Variants in MCTP1 observed in about 807,000 individuals in gnomAD.
The protein encoded by MCTP1 is multiple C2 and transmembrane domain containing 1, also known as multiple C2 and transmembrane domain-containing protein 1.
In MCTP1, 69 loss-of-function variants were observed where a neutral mutation model predicts 120.6. That is an observed-to-expected ratio of 0.57 (90% CI 0.47 to 0.70). The LOEUF (loss-of-function observed/expected upper bound fraction) is 0.70, where lower values mean the gene tolerates loss of function less well. Among genes scored for constraint, MCTP1 ranks in the 30% least tolerant of loss-of-function variants. The pLI is 0.00. For synonymous variants in MCTP1, 529 were observed against 493.1 expected, an observed-to-expected ratio of 1.07 and a Z score of -0.96; for missense variants, 1,203 against 1,248.8, an observed-to-expected ratio of 0.96 and a Z score of 0.55.
intron 1 of MCTP1, among the ~76,000 whole-genome samples, chr5:95,119,002 C>T (rs1562158053): frequency 6.6e-6 from 1 of 152,188 alleles, no homozygotes; most frequent in Non-Finnish European, 1.5e-5. Flanking sequence ...AACAAAGACA[C>T]ATTAAACTTA....
intron 1 of MCTP1, among the ~76,000 whole-genome samples, chr5:95,165,140 A>G (rs1379998575): frequency 2.0e-5 from 3 of 152,220 alleles, no homozygotes; most frequent in Non-Finnish European, 4.4e-5. Context: ...GACTTCCCAG[A>G]GACACCTCTA....
At chr5:94,941,139 A>G (rs1164910894) in intron 4 of MCTP1, among the ~76,000 whole-genome samples, 1 of 152,046 alleles carries the variant, frequency 6.6e-6, no homozygotes, top group Non-Finnish European at 1.5e-5. Context: ...GAAACAAGAT[A>G]AATTTATGCT....
intron 1 of MCTP1, among the ~76,000 whole-genome samples, chr5:95,126,084 A>C (rs1758608516): frequency 6.6e-6 from 1 of 152,206 alleles, no homozygotes; most frequent in Non-Finnish European, 1.5e-5. Context: ...TTTTGCTTTA[A>C]ATTTATACTA....
intron 6 of MCTP1, among the ~76,000 whole-genome samples, chr5:94,925,582 G>T (rs549422905): frequency 6.6e-6 from 1 of 152,138 alleles, no homozygotes; most frequent in Non-Finnish European, 1.5e-5. Flanking sequence ...CTAATTATTT[G>T]TATTTTTTAG....
chr5:95,158,118 G>A (rs954625077), intron 1 of MCTP1, among the ~76,000 whole-genome samples: 9 of 152,160 alleles, frequency 5.9e-5, no homozygotes, highest in Admixed American at 3.3e-4. Flanking sequence ...TAGACACAAC[G>A]AAAATGTTAC....
intron 19 of MCTP1, among the ~76,000 whole-genome samples, chr5:94,728,039 T>C (rs980923373): frequency 1.3e-5 from 2 of 152,200 alleles, no homozygotes; most frequent in Admixed American, 6.5e-5. Context: ...GCTGCTGATA[T>C]ATGGGGTAGG....
At chr5:94,805,885 C>A (rs1782167902) in intron 17 of MCTP1, among the ~76,000 whole-genome samples, 1 of 148,230 alleles carries the variant, frequency 6.7e-6, no homozygotes, top group African/African-American at 2.5e-5. Flanking sequence ...AGTAAATGGT[C>A]TTAGATTGAA....
At chr5:95,070,690 G>C (rs1251323898) in intron 1 of MCTP1, among the ~76,000 whole-genome samples, 2 of 152,164 alleles carry the variant, frequency 1.3e-5, no homozygotes, top group African/African-American at 4.8e-5. Flanking sequence ...CCAGACTTTG[G>C]CCATGTGTGA....
chr5:94,814,896 T>C (rs1366040147), intron 17 of MCTP1, among the ~76,000 whole-genome samples: 1 of 152,206 alleles, frequency 6.6e-6, no homozygotes, highest in Non-Finnish European at 1.5e-5. Context: ...TAATCTTGGG[T>C]GAGGAACTCT....
At chr5:95,104,977 A>G (rs569152187) in intron 1 of MCTP1, among the ~76,000 whole-genome samples, 1 of 152,294 alleles carries the variant, frequency 6.6e-6, no homozygotes, top group Non-Finnish European at 1.5e-5. Context: ...TCTGTTCTGT[A>G]AAAAATTATT....
intron 1 of MCTP1, among the ~76,000 whole-genome samples, chr5:95,089,418 C>A (rs1463448352): frequency 1.3e-5 from 2 of 152,144 alleles, no homozygotes; most frequent in African/African-American, 4.8e-5. Flanking sequence ...GATGTGGATA[C>A]CTCCTACTTT....
At chr5:95,091,615 C>A (rs993256255) in intron 1 of MCTP1, among the ~76,000 whole-genome samples, 2 of 152,154 alleles carry the variant, frequency 1.3e-5, no homozygotes, top group African/African-American at 2.4e-5. Flanking sequence ...AGCCCTGAGA[C>A]CACAAGAAGA....
Position 94,741,293 on chromosome 5 carries a change from A to G in MCTP1, c.2611-26407T>C, listed in dbSNP as rs980848883. ...TAAATTAAAATTTCAAGTTAAAAAA[A>G]GGAAATGATGATTGCTCACAATAAG... On this transcript the variant is annotated intron_variant, in intron 19 of 22. Transcript: ENST00000515393. Among the ~76,000 whole-genome samples the G allele has an allele frequency of 2.0e-5, 3 of 152,234 alleles. No individual in the cohort carries two copies. The East Asian group carries it at 5.8e-4, about 29-fold the overall frequency.
At chr5:94,989,985 C>T (rs1015529419) in intron 2 of MCTP1, among the ~76,000 whole-genome samples, 4 of 152,100 alleles carry the variant, frequency 2.6e-5, no homozygotes, top group South Asian at 2.1e-4. Context: ...TGAGTTGTAT[C>T]CTTTATAATA....
At chr5:95,257,480 C>T (rs956035066) in intron 1 of MCTP1, among the ~76,000 whole-genome samples, 1 of 151,956 alleles carries the variant, frequency 6.6e-6, no homozygotes, top group African/African-American at 2.4e-5. Flanking sequence ...TGAATGCCTA[C>T]ATTGTTTTTT....
intron 1 of MCTP1, among the ~76,000 whole-genome samples, chr5:95,214,774 C>T (rs1047903216): frequency 1.4e-5 from 2 of 147,442 alleles, no homozygotes; most frequent in African/African-American, 5.0e-5. Flanking sequence ...GACAAAAAAC[C>T]AAACACTGCA....
At chr5:94,795,285 G>T (rs974073551) in intron 18 of MCTP1, among the ~76,000 whole-genome samples, 1 of 152,148 alleles carries the variant, frequency 6.6e-6, no homozygotes, top group African/African-American at 2.4e-5. Context: ...CAGGTCACTC[G>T]ACTTAGGAGG....
At chr5:94,750,667 G>T (rs1768068483) in intron 19 of MCTP1, among the ~76,000 whole-genome samples, 1 of 152,176 alleles carries the variant, frequency 6.6e-6, no homozygotes, top group Non-Finnish European at 1.5e-5. Flanking sequence ...GTGGCATGAA[G>T]TCCCCTCTGC....
At chr5:95,048,819 G>A (rs1045031899) in intron 1 of MCTP1, among the ~76,000 whole-genome samples, 3 of 152,156 alleles carry the variant, frequency 2.0e-5, no homozygotes, top group African/African-American at 2.4e-5. Context: ...AGAGAGGAAG[G>A]AAGTGACAAA....
Sources: gnomAD v4.1 joint callset for allele counts (sites outside exome capture counted in the v4.1 genomes callset) on GRCh38, gnomAD v4.1.1 for gene constraint, MANE v1.5 for transcripts, NCBI Gene and HGNC (gene_info 2026-07-23, HGNC 2026-07-21) for gene names.